The following BAZ2B variants were observed in gnomAD, a reference collection of about 807,000 sequenced individuals.
BAZ2B encodes bromodomain adjacent to zinc finger domain protein 2B.
A neutral mutation model predicts 246.0 loss-of-function variants in BAZ2B; 91 were observed. The ratio of observed to expected loss-of-function variants is 0.37; its 90% CI spans 0.31 to 0.44. BAZ2B has a LOEUF of 0.44. Among genes scored for constraint, BAZ2B ranks in the 20% least tolerant of loss-of-function variants. The probability of loss-of-function intolerance (pLI) is 1.00; values close to 1 mark genes in which losing one functional copy is unlikely to be tolerated. For missense variants in BAZ2B, 2,332 were observed against 2,533.7 expected (o/e 0.92, Z 1.71); for synonymous variants, 855 against 860.0 (o/e 0.99, Z 0.10).
chr2:159,349,016 T>C lies in BAZ2B; in HGVS notation c.5128A>G (p.Ile1710Val). Residue 1710 changes from isoleucine (I) to valine (V), a missense_variant, in exon 29 of 37, where the codon ATT (isoleucine) becomes GTT (valine). By Grantham distance (29) the Ile-to-Val change is conservative. Coordinates refer to ENST00000392783, the MANE Select transcript of BAZ2B (RefSeq NM_013450.4). ...KPVDFPSPKPIPEEMQFGWWR... is the reference protein window; with the variant it reads ...KPVDFPSPKPVPEEMQFGWWR... ...ATCTCAATGTACCTACCTTCTGGAA[T>C]AGGTTTTGGACTAGGAAAATCTACT... The C allele has an allele frequency of 6.2e-7, 1 of 1,613,894 alleles. No homozygotes were observed. The highest frequency in any genetic ancestry group is 8.5e-7 in the Non-Finnish European group (1 of 1,179,830).
At position 159,438,607 on chromosome 2, in the gene BAZ2B, G is replaced by A; in HGVS notation, c.989C>T (p.Pro330Leu). The part of the protein sequence containing the change: ...AQEKRIHQPL[P>L]LASESQTHSF... ...GTGAGTCTGGGATTCAGACGCAAGA[G>A]GTAATGGCTGGTGTATTCTTTTTTC... is the stretch of plus-strand genomic sequence containing the variant. The change falls in exon 8 of 37, where the codon CCT (proline) becomes CTT (leucine). Residue 330 changes from proline (P) to leucine (L), a missense_variant. By Grantham distance (98) the Pro-to-Leu change is moderately conservative. This residue lies in a region of BAZ2B where 161 missense variants were observed against 225.8 expected (regional missense o/e 0.71). Transcript: ENST00000392783. The A allele has an allele frequency of 6.2e-7, 1 of 1,614,120 alleles. No homozygotes were observed. Among genetic ancestry groups the A allele is most frequent in the Non-Finnish European group, 8.5e-7 (1 of 1,180,008 alleles).
At chr2:159,672,451 AAAG>A in the BAZ2B span, among the ~76,000 whole-genome samples, 21 of 152,346 alleles carry the variant, frequency 1.4e-4, no homozygotes, top group East Asian at 3.9e-4. Flanking sequence ...GGAAAGATAA[AAAG>A]AAGAAGATAA....
the BAZ2B span, among the ~76,000 whole-genome samples, chr2:159,648,338 A>C: frequency 6.6e-6 from 1 of 151,948 alleles, no homozygotes; most frequent in Non-Finnish European, 1.5e-5. Context: ...GGGTTTCAGC[A>C]TGTTGCTTAG....
At chr2:159,326,950 C>G (rs2063798442) in intron 34 of BAZ2B, among the ~76,000 whole-genome samples, 1 of 152,102 alleles carries the variant, frequency 6.6e-6, no homozygotes, top group South Asian at 2.1e-4. Context: ...GTGGTACACA[C>G]CAAACACTTT....
At chr2:159,358,072 C>T (rs1329547054) in intron 27 of BAZ2B, among the ~76,000 whole-genome samples, 2 of 152,150 alleles carry the variant, frequency 1.3e-5, no homozygotes, top group African/African-American at 4.8e-5. Flanking sequence ...GCAAAATAAC[C>T]AGCTAGCATC....
At chr2:159,659,367 T>C in the BAZ2B span, among the ~76,000 whole-genome samples, 1 of 152,210 alleles carries the variant, frequency 6.6e-6, no homozygotes, top group Non-Finnish European at 1.5e-5. Flanking sequence ...TAGTGTCCTT[T>C]GTCTTTTTAC....
intron 4 of BAZ2B, among the ~76,000 whole-genome samples, chr2:159,450,847 C>G (rs2074993929): frequency 6.6e-6 from 1 of 151,122 alleles, no homozygotes; most frequent in Admixed American, 6.6e-5. Flanking sequence ...TCAAGTGATT[C>G]TCTTGCCTCA....
chr2:159,325,952 GAA>G (rs779049002), intron 34 of BAZ2B, 34 bp from the exon 35 acceptor site: 1 of 1,515,234 alleles, frequency 6.6e-7, no homozygotes, highest in Non-Finnish European at 8.9e-7. Flanking sequence ...TGAGGTGTAA[GAA>G]AGTGACTGTC....
At chr2:159,637,499 C>T in the BAZ2B span, among the ~76,000 whole-genome samples, 1 of 152,186 alleles carries the variant, frequency 6.6e-6, no homozygotes, top group Non-Finnish European at 1.5e-5. Flanking sequence ...GGGAAGGCCT[C>T]TATATTGTGG....
chr2:159,682,708 C>G, the BAZ2B span, among the ~76,000 whole-genome samples: 2 of 152,124 alleles, frequency 1.3e-5, no homozygotes, highest in Non-Finnish European at 2.9e-5. Flanking sequence ...TTTCATATAA[C>G]GAGAAGACAG....
chr2:159,532,840 G>A (rs367589191), intron 2 of BAZ2B, among the ~76,000 whole-genome samples: 1 of 152,122 alleles, frequency 6.6e-6, no homozygotes, highest in African/African-American at 2.4e-5. Flanking sequence ...TGGCCAGTAC[G>A]GAGAAGGAAA....
At chr2:159,607,066 G>A (rs1347952769) in intron 1 of BAZ2B, among the ~76,000 whole-genome samples, 2 of 152,092 alleles carry the variant, frequency 1.3e-5, no homozygotes, top group African/African-American at 4.8e-5. Flanking sequence ...TGTTGACCAG[G>A]CTGGTCTCAA....
chr2:159,586,981 A>C (rs181426804), intron 1 of BAZ2B, among the ~76,000 whole-genome samples: 3 of 152,172 alleles, frequency 2.0e-5, no homozygotes, highest in African/African-American at 7.2e-5. Context: ...ACCTTCCTAA[A>C]ACCTAAACCT....
intron 36 of BAZ2B, among the ~76,000 whole-genome samples, chr2:159,323,839 A>G (rs1012171854): frequency 6.6e-6 from 1 of 151,712 alleles, no homozygotes; most frequent in African/African-American, 2.4e-5. Flanking sequence ...GAACTAGTCC[A>G]TATCTAGGTA....
At chr2:159,528,123 G>A (rs1402887836) in intron 2 of BAZ2B, among the ~76,000 whole-genome samples, 2 of 152,116 alleles carry the variant, frequency 1.3e-5, no homozygotes, top group Admixed American at 6.5e-5. Flanking sequence ...TTCTGTAGTG[G>A]TTGGAAGCTA....
At chr2:159,461,849 A>C (rs1427038722) in intron 3 of BAZ2B, 1 of 152,754 alleles carries the variant, frequency 6.5e-6, no homozygotes, top group Non-Finnish European at 1.5e-5. Context: ...TCCAAAAAGG[A>C]CCTGAAAAGT....
chr2:159,405,907 A>G (rs978795633), intron 14 of BAZ2B, among the ~76,000 whole-genome samples: 4 of 152,218 alleles, frequency 2.6e-5, no homozygotes, highest in African/African-American at 9.6e-5. Flanking sequence ...AAGTTCCTGA[A>G]TCCAGTGATA....
At chr2:159,427,459 A>C (rs2070159473) in intron 13 of BAZ2B, among the ~76,000 whole-genome samples, 1 of 152,112 alleles carries the variant, frequency 6.6e-6, no homozygotes, top group Non-Finnish European at 1.5e-5. Context: ...TTAAGAAATG[A>C]CAAAAAAAAA....
intron 17 of BAZ2B, among the ~76,000 whole-genome samples, chr2:159,400,236 TTAC>T (rs1239367012): frequency 6.6e-6 from 1 of 152,224 alleles, no homozygotes; most frequent in African/African-American, 2.4e-5. Context: ...TTTTGAAATC[TTAC>T]TTCTGTAAAC....
Sources: allele counts gnomAD v4.1 joint callset (sites outside exome capture counted in the v4.1 genomes callset), GRCh38; gene constraint gnomAD v4.1.1; regional missense constraint gnomAD v4.1.1; transcripts MANE v1.5; gene names NCBI Gene and HGNC (gene_info 2026-07-23, HGNC 2026-07-21).